The following CCSER1 variants were observed in gnomAD, a reference collection of about 807,000 sequenced individuals.
CCSER1 encodes serine-rich coiled-coil domain-containing protein 1.
In CCSER1, 41 loss-of-function variants were observed where a neutral mutation model predicts 82.0. That is an observed-to-expected ratio of 0.50 (90% CI 0.39 to 0.65). The LOEUF is 0.65. Among genes scored for constraint, CCSER1 ranks in the 30% least tolerant of loss-of-function variants. The probability of loss-of-function intolerance (pLI) is 0.00; values close to 1 mark genes in which losing one functional copy is unlikely to be tolerated. For missense variants in CCSER1, 1,119 were observed against 1,064.2 expected (o/e 1.05, Z -0.72); for synonymous variants, 414 against 383.9 (o/e 1.08, Z -0.92).
At chr4:91,565,647 T>C (rs1762854531) in intron 10 of CCSER1, among the ~76,000 whole-genome samples, 4 of 152,088 alleles carry the variant, frequency 2.6e-5, no homozygotes, top group Admixed American at 2.6e-4. Context: ...AGGTGTTTTA[T>C]TCTTTTTGTG....
intron 10 of CCSER1, among the ~76,000 whole-genome samples, chr4:91,362,044 G>A (rs1385736951): frequency 1.3e-5 from 2 of 151,800 alleles, no homozygotes; most frequent in African/African-American, 4.8e-5. Context: ...GTAAAAGAAA[G>A]CAATGAAGGC....
chr4:90,330,871 G>A (rs529172736), intron 3 of CCSER1, among the ~76,000 whole-genome samples: 11 of 152,090 alleles, frequency 7.2e-5, no homozygotes, highest in Non-Finnish European at 1.2e-4. Context: ...TTGATTCAGT[G>A]CAGTGGGGTT....
At chr4:91,050,508 T>G (rs553010569) in intron 9 of CCSER1, among the ~76,000 whole-genome samples, 1 of 152,240 alleles carries the variant, frequency 6.6e-6, no homozygotes, top group South Asian at 2.1e-4. Flanking sequence ...TTTAAAATAG[T>G]ACTTACACTG....
intron 10 of CCSER1, among the ~76,000 whole-genome samples, chr4:91,131,642 G>A (rs1033775438): frequency 6.6e-6 from 1 of 152,004 alleles, no homozygotes; most frequent in Admixed American, 6.6e-5. Flanking sequence ...TCATCAATCT[G>A]TTGATCTAGA....
At chr4:90,790,217 T>C (rs535959139) in intron 7 of CCSER1, among the ~76,000 whole-genome samples, 1 of 152,320 alleles carries the variant, frequency 6.6e-6, no homozygotes, top group African/African-American at 2.4e-5. Flanking sequence ...TATAATATCC[T>C]CAGCAAACTA....
intron 4 of CCSER1, among the ~76,000 whole-genome samples, chr4:90,439,218 G>T (rs532597495): frequency 2.1e-4 from 32 of 152,108 alleles, no homozygotes; most frequent in Admixed American, 7.9e-4. Context: ...AGCCCGGGAG[G>T]CGGAGGTTGT....
Position 91,196,077 on chromosome 4 carries a change from C to T in CCSER1, c.2217+110083C>T, listed in dbSNP as rs1483518338. ...TGGCGGGCGCCTGTAGTCCCAGCTA[C>T]GCGGGAGGCTGAGGCAGGAGAATGG... On this transcript the variant is annotated intron_variant, in intron 10 of 10. Transcript: ENST00000509176. Among the ~76,000 whole-genome samples the T allele has an allele frequency of 2.0e-5, 3 of 151,318 alleles. 1 individual carries two copies. Among genetic ancestry groups the T allele is most frequent in the African/African-American group, 4.9e-5 (2 of 41,054 alleles).
intron 3 of CCSER1, among the ~76,000 whole-genome samples, chr4:90,353,305 A>G (rs896749125): frequency 6.6e-6 from 1 of 152,254 alleles, no homozygotes; most frequent in Admixed American, 6.5e-5. Flanking sequence ...ATTAAAAATT[A>G]TGGGACCACA....
intron 10 of CCSER1, among the ~76,000 whole-genome samples, chr4:91,162,767 G>C (rs1341829858): frequency 6.6e-6 from 1 of 152,028 alleles, no homozygotes; most frequent in African/African-American, 2.4e-5. Context: ...CTGTGGGATT[G>C]GTGGTCATAT....
At chr4:91,095,369 A>AC (rs1561544771) in intron 10 of CCSER1, among the ~76,000 whole-genome samples, 1 of 151,394 alleles carries the variant, frequency 6.6e-6, no homozygotes. Context: ...TCCTCCTGGA[A>AC]CCCCCCTTTC....
chr4:90,909,698 C>T (rs944266416), intron 8 of CCSER1, among the ~76,000 whole-genome samples: 5 of 152,086 alleles, frequency 3.3e-5, no homozygotes, highest in African/African-American at 1.2e-4. Context: ...CTTTACGAGG[C>T]CTTTCTTAAT....
At position 90,681,743 on chromosome 4, in the gene CCSER1, C is replaced by G. The variant is rs1579891951; in HGVS notation, c.1933-42171C>G. Among the ~76,000 whole-genome samples, 2 of 1,868 alleles carry G rather than the reference C, an allele frequency of 1.1e-3. 1 individual carries two copies. The highest frequency in any genetic ancestry group is 3.2e-3 in the African/African-American group (2 of 626). The allele number at this position is 1,868 out of a possible 152,430, so 1.2% of individuals were successfully genotyped here. On this transcript the variant is annotated intron_variant, in intron 6 of 10. Coordinates refer to ENST00000509176, the MANE Select transcript of CCSER1 (RefSeq NM_001145065.2). ...ACCGGAGCTGTTCCTATTCGGCCAT[C>G]TTGGCTCCTCCCTCGTGTTTTTATC...
intron 9 of CCSER1, among the ~76,000 whole-genome samples, chr4:91,030,308 G>A (rs897727723): frequency 6.6e-6 from 1 of 152,088 alleles, no homozygotes; most frequent in Non-Finnish European, 1.5e-5. Flanking sequence ...CACTGGCGAT[G>A]ATGGAAATAT....
chr4:90,215,959 T>C (rs774129366), intron 1 of CCSER1, among the ~76,000 whole-genome samples: 1 of 152,152 alleles, frequency 6.6e-6, no homozygotes, highest in Non-Finnish European at 1.5e-5. Context: ...AATATGTGTG[T>C]GTGTTCTGTA....
At chr4:90,628,253 TA>T in intron 6 of CCSER1, 21 bp downstream of exon 6, 1 of 1,585,034 alleles carries the variant, frequency 6.3e-7, no homozygotes, top group Non-Finnish European at 8.7e-7. Flanking sequence ...CCTCTAAGAT[TA>T]ATGTCCTTCA....
At chr4:90,224,763 T>C (rs1246067378) in intron 1 of CCSER1, among the ~76,000 whole-genome samples, 4 of 152,230 alleles carry the variant, frequency 2.6e-5, no homozygotes, top group South Asian at 4.1e-4. Flanking sequence ...GTATTTGTAA[T>C]TTAAAACTGA....
At chr4:90,335,228 G>A (rs1407173229) in intron 3 of CCSER1, among the ~76,000 whole-genome samples, 7 of 152,116 alleles carry the variant, frequency 4.6e-5, no homozygotes, top group Non-Finnish European at 8.8e-5. Context: ...AATACGTCAT[G>A]GCAAAGAAAG....
At chr4:90,317,451 G>A (rs1443381788) in intron 3 of CCSER1, among the ~76,000 whole-genome samples, 1 of 151,784 alleles carries the variant, frequency 6.6e-6, no homozygotes, top group East Asian at 1.9e-4. Flanking sequence ...GTCTCTATTT[G>A]CATTTTGTAA....
chr4:90,817,381 A>T (rs998619768), intron 8 of CCSER1, among the ~76,000 whole-genome samples: 5 of 152,090 alleles, frequency 3.3e-5, no homozygotes, highest in African/African-American at 1.2e-4. Flanking sequence ...TATACAAGAA[A>T]TTGGACCTTC....
Sources: allele counts gnomAD v4.1 joint callset (sites outside exome capture counted in the v4.1 genomes callset), GRCh38; gene constraint gnomAD v4.1.1; transcripts MANE v1.5; gene names NCBI Gene and HGNC (gene_info 2026-07-23, HGNC 2026-07-21).